CLEC16A: variants seen among roughly 807,000 people sequenced by gnomAD.
The protein encoded by CLEC16A is C-type lectin domain containing 16A.
A neutral mutation model predicts 109.5 loss-of-function variants in CLEC16A; 51 were observed. The ratio of observed to expected loss-of-function variants is 0.47; its 90% CI spans 0.37 to 0.59. CLEC16A has a LOEUF of 0.59. Ranked by LOEUF, CLEC16A falls within the 20% of genes least tolerant of loss-of-function variation. CLEC16A has a pLI of 0.00. For synonymous variants in CLEC16A, 673 were observed against 564.2 expected (o/e 1.19, Z -2.73); for missense variants, 1,339 against 1,394.0 (o/e 0.96, Z 0.63).
intron 19 of CLEC16A, among the ~76,000 whole-genome samples, chr16:11,114,949 T>C (rs751221892): frequency 3.3e-5 from 5 of 152,258 alleles, no homozygotes; most frequent in Non-Finnish European, 5.9e-5. Flanking sequence ...AGTTTTCTTA[T>C]GAAATCTCTC....
Position 11,179,884 on chromosome 16 carries a change from C to T in CLEC16A, c.*1194C>T, listed in dbSNP as rs904328520. On this transcript the variant is annotated 3_prime_UTR_variant, in exon 24 of 24. Coordinates refer to ENST00000409790, the MANE Select transcript of CLEC16A (RefSeq NM_015226.3). ...CTTCCCCATTCGGACTGGGTGTGTA[C>T]AAGCAAGGACCCAGATGCATCAGAC... The T allele has an allele frequency of 5.9e-5, 9 of 152,572 alleles. No individual in the cohort carries two copies. The highest frequency in any genetic ancestry group is 2.2e-4 in the African/African-American group (9 of 41,590). 9.5% of individuals were successfully genotyped at this position (152,572 alleles called of 1,614,324 possible). A position where few individuals can be genotyped will look rare whatever the true frequency, so the allele number is the denominator to read the frequency against.
At chr16:11,123,709 C>T (rs746667296) in intron 20 of CLEC16A, 33 bp from the exon 21 acceptor site, 12 of 1,609,938 alleles carry the variant, frequency 7.5e-6, no homozygotes, top group East Asian at 4.5e-5. Flanking sequence ...CCAAACCCAA[C>T]GAATGCCTTT....
At chr16:11,124,920 C>T (rs1434409456) in intron 21 of CLEC16A, among the ~76,000 whole-genome samples, 1 of 152,174 alleles carries the variant, frequency 6.6e-6, no homozygotes, top group Non-Finnish European at 1.5e-5. Flanking sequence ...GACCCTGTCT[C>T]TACAAAGAAA....
In CLEC16A at chr16:11,077,964, CGTGTGTGTGT is replaced by C. The variant is rs34576806; in HGVS notation, c.2116+16979_2116+16988del. Among the ~76,000 whole-genome samples, 185 of 135,618 alleles carry C rather than the reference CGTGTGTGTGT, an allele frequency of 1.4e-3. 2 individuals carry two copies. Among genetic ancestry groups the C allele is most frequent in the Middle Eastern group, 0.011 (3 of 270 alleles). 89.0% of individuals were successfully genotyped at this position (135,618 alleles called of 152,430 possible). A position where few individuals can be genotyped will look rare whatever the true frequency, so the allele number is the denominator to read the frequency against. On this transcript the variant is annotated intron_variant, in intron 19 of 23. Coordinates refer to ENST00000409790, the MANE Select transcript of CLEC16A (RefSeq NM_015226.3). ...GAAACTCCATCTCTACAAAAAAAAACGTGTGTGTGTGTGTGTGTGTGTGTGTGTGTGTGTG... is the reference window on the plus strand; with the variant it reads ...GAAACTCCATCTCTACAAAAAAAAACGTGTGTGTGTGTGTGTGTGTGTGTG...
At chr16:11,000,579 G>T (rs1009086619) in intron 10 of CLEC16A, among the ~76,000 whole-genome samples, 2 of 152,176 alleles carry the variant, frequency 1.3e-5, no homozygotes, top group African/African-American at 4.8e-5. Flanking sequence ...GGCATCCTAA[G>T]TGGGCTCTGA....
chr16:10,975,140 G>A (rs2042974195), intron 7 of CLEC16A, among the ~76,000 whole-genome samples: 1 of 152,072 alleles, frequency 6.6e-6, no homozygotes, highest in Non-Finnish European at 1.5e-5. Flanking sequence ...GCCAGGAGTT[G>A]AAGACCAGCC....
At chr16:11,003,020 C>T in intron 10 of CLEC16A, 54 bp from the exon 11 acceptor site, 1 of 1,433,748 alleles carries the variant, frequency 7.0e-7, no homozygotes, top group South Asian at 1.3e-5. Flanking sequence ...TTGATAGCAT[C>T]CAGCAGGATT....
intron 23 of CLEC16A, among the ~76,000 whole-genome samples, chr16:11,170,498 G>T (rs752778982): frequency 2.0e-5 from 3 of 152,148 alleles, no homozygotes; most frequent in Non-Finnish European, 4.4e-5. Flanking sequence ...TCCCAAACAC[G>T]TTCTCACCTT....
At chr16:11,079,619 T>C (rs2049588532) in intron 19 of CLEC16A, among the ~76,000 whole-genome samples, 1 of 152,220 alleles carries the variant, frequency 6.6e-6, no homozygotes, top group Non-Finnish European at 1.5e-5. Context: ...TTACTACCTA[T>C]ACCCTGGCCT....
intron 13 of CLEC16A, among the ~76,000 whole-genome samples, chr16:11,034,033 G>A (rs1281305635): frequency 6.6e-6 from 1 of 152,198 alleles, no homozygotes; most frequent in Non-Finnish European, 1.5e-5. Flanking sequence ...TGTTTACCCA[G>A]GAAGAAGGAG....
At chr16:11,042,168 C>G in intron 14 of CLEC16A, 86 bp from the exon 15 acceptor site, 3 of 980,052 alleles carry the variant, frequency 3.1e-6, no homozygotes, top group Admixed American at 2.1e-5. Flanking sequence ...ATGTGACCTG[C>G]TAGCCTCAAC....
Position 11,114,362 on chromosome 16 carries a change from G to T in CLEC16A, c.2117-6253G>T, listed in dbSNP as rs536051553. On this transcript the variant is annotated intron_variant, in intron 19 of 23. Transcript: ENST00000409790. ...CCCACCCCTGTAGAATTGGAGATTC[G>T]ATGGGCAGTGAGATCTGGGGATGGT... Among the ~76,000 whole-genome samples the T allele has an allele frequency of 7.1e-4, 108 of 152,186 alleles. 1 individual carries two copies. Among genetic ancestry groups the T allele is most frequent in the African/African-American group, 2.4e-3 (99 of 41,502 alleles).
At chr16:11,026,441 A>G (rs2046406011) in intron 13 of CLEC16A, among the ~76,000 whole-genome samples, 3 of 152,160 alleles carry the variant, frequency 2.0e-5, no homozygotes, top group Admixed American at 2.0e-4. Flanking sequence ...ATTTATTGGC[A>G]TAAACTTTAT....
intron 19 of CLEC16A, among the ~76,000 whole-genome samples, chr16:11,088,702 C>A (rs1475671964): frequency 6.6e-6 from 1 of 152,082 alleles, no homozygotes; most frequent in East Asian, 1.9e-4. Context: ...TTCACAGGAC[C>A]CAGAAGTTTG....
In CLEC16A at chr16:11,090,948, G is replaced by T. The variant is rs148062099; in HGVS notation, c.2117-29667G>T. ...GCCTCCCAAAGTGCTGGGATTACAG[G>T]CATGAGCCACGGTGCCCAGCCTATT... On this transcript the variant is annotated intron_variant, in intron 19 of 23. Coordinates refer to ENST00000409790, the MANE Select transcript of CLEC16A (RefSeq NM_015226.3). Among the ~76,000 whole-genome samples the T allele has an allele frequency of 1.4e-4, 21 of 151,704 alleles. 1 individual carries two copies. The East Asian group carries it at 3.5e-3, about 25-fold the overall frequency.
Position 11,174,262 on chromosome 16 carries a change from C to T in CLEC16A, c.2807-4073C>T, listed in dbSNP as rs924059817. The T allele has an allele frequency of 4.3e-6, 2 of 464,832 alleles. No individual in the cohort carries two copies. The highest frequency in any genetic ancestry group is 3.1e-5 in the South Asian group (2 of 64,546). The allele number at this position is 464,832 out of a possible 1,614,324, so 28.8% of individuals were successfully genotyped here. The stretch of plus-strand genomic sequence containing the variant: ...GAACGGCAGCTGCCACGGCACCTCA[C>T]GCACAGTCAATTCAGGCAGGTCTCC... On this transcript the variant is annotated intron_variant, in intron 23 of 23. Transcript: ENST00000409790. The surrounding 1 kb of genome is among the most constrained non-coding windows in gnomAD (Gnocchi z 4.7).
chr16:11,037,286 C>T (rs2047076103), intron 13 of CLEC16A, among the ~76,000 whole-genome samples: 2 of 152,308 alleles, frequency 1.3e-5, no homozygotes, highest in South Asian at 4.1e-4. Flanking sequence ...ATTTGGACCC[C>T]ACCCACCTTC....
chr16:11,023,767 C>T (rs894876084), intron 12 of CLEC16A, among the ~76,000 whole-genome samples: 2 of 152,190 alleles, frequency 1.3e-5, no homozygotes, highest in Non-Finnish European at 2.9e-5. Flanking sequence ...TTCATTGGAG[C>T]TTGGGTGTCC....
At chr16:10,991,837 G>A (rs1358948995) in intron 10 of CLEC16A, among the ~76,000 whole-genome samples, 2 of 152,198 alleles carry the variant, frequency 1.3e-5, no homozygotes, top group Non-Finnish European at 2.9e-5. Context: ...GAGCAAGAAG[G>A]GAGCATTTTG....
Sources: allele counts gnomAD v4.1 joint callset (sites outside exome capture counted in the v4.1 genomes callset), GRCh38; gene constraint gnomAD v4.1.1; non-coding constraint Gnocchi (gnomAD v3.1); transcripts MANE v1.5; gene names NCBI Gene and HGNC (gene_info 2026-07-23, HGNC 2026-07-21).